ABTB3: variants seen among roughly 807,000 people sequenced by gnomAD.
ABTB3 encodes the protein ankyrin repeat and BTB domain containing 3, also known as ankyrin repeat- and BTB/POZ domain-containing protein 3.
the ABTB3 span, among the ~76,000 whole-genome samples, chr12:107,427,238 T>A: frequency 1.3e-5 from 2 of 151,990 alleles, no homozygotes; most frequent in African/African-American, 2.4e-5. Context: ...TCTTCTTCCA[T>A]CATCACGTTG....
the ABTB3 span, among the ~76,000 whole-genome samples, chr12:107,358,015 C>T: frequency 6.6e-6 from 1 of 152,154 alleles, no homozygotes; most frequent in Non-Finnish European, 1.5e-5. Context: ...CTTTCTCCTT[C>T]TGTTCTTCTC....
chr12:107,426,274 C>T, the ABTB3 span, among the ~76,000 whole-genome samples: 23 of 152,276 alleles, frequency 1.5e-4, no homozygotes, highest in Admixed American at 6.5e-4. Context: ...TAGATCGATG[C>T]GGACAAGGAG....
the ABTB3 span, among the ~76,000 whole-genome samples, chr12:107,365,074 T>C: frequency 1.1e-4 from 17 of 152,278 alleles, no homozygotes; most frequent in Non-Finnish European, 2.2e-4. Flanking sequence ...AGCCTTGAGT[T>C]TGAATTCCAG....
chr12:107,532,611 T>A, the ABTB3 span, among the ~76,000 whole-genome samples: 1 of 152,218 alleles, frequency 6.6e-6, no homozygotes, highest in Non-Finnish European at 1.5e-5. Flanking sequence ...AATAAAATAA[T>A]AGCTGAAAAC....
At chr12:107,480,945 G>C in the ABTB3 span, among the ~76,000 whole-genome samples, 2 of 152,240 alleles carry the variant, frequency 1.3e-5, no homozygotes, top group East Asian at 1.9e-4. Context: ...AAGAGGGAAG[G>C]GTAGAAGTTA....
chr12:107,659,205 A>C, the ABTB3 span: 1 of 152,222 alleles, frequency 6.6e-6, no homozygotes, highest in Non-Finnish European at 1.5e-5. Flanking sequence ...CTGTTGTACG[A>C]GCTCCCTGAA....
At chr12:107,508,434 A>ATTTTTTTTTTTTTTTTTTTTTTTT in the ABTB3 span, among the ~76,000 whole-genome samples, 7 of 58,714 alleles carry the variant, frequency 1.2e-4, no homozygotes, top group Non-Finnish European at 1.9e-4. Flanking sequence ...CTCAAAGATC[A>ATTTTTTTTTTTTTTTTTTTTTTTT]TTTCTTTTTT....
the ABTB3 span, among the ~76,000 whole-genome samples, chr12:107,444,667 T>TTTGG: frequency 6.6e-6 from 1 of 152,196 alleles, no homozygotes; most frequent in African/African-American, 2.4e-5. Flanking sequence ...CGAGATGAAA[T>TTTGG]TAACCATGTC....
the ABTB3 span, among the ~76,000 whole-genome samples, chr12:107,467,536 A>G: frequency 1.3e-5 from 2 of 152,158 alleles, no homozygotes; most frequent in Non-Finnish European, 2.9e-5. Flanking sequence ...GGCAGAAGCC[A>G]CTTCGAGACC....
At chr12:107,469,846 TC>T in the ABTB3 span, among the ~76,000 whole-genome samples, 2 of 150,770 alleles carry the variant, frequency 1.3e-5, no homozygotes, top group Admixed American at 1.3e-4. Flanking sequence ...CCTTTCTCTC[TC>T]TTTCTCTTTC....
chr12:107,361,062 T>C, the ABTB3 span, among the ~76,000 whole-genome samples: 1 of 149,554 alleles, frequency 6.7e-6, no homozygotes, highest in Non-Finnish European at 1.5e-5. Flanking sequence ...GCCCCTGGGA[T>C]TACAGGTGTG....
At chr12:107,367,706 T>C in the ABTB3 span, among the ~76,000 whole-genome samples, 6 of 152,180 alleles carry the variant, frequency 3.9e-5, no homozygotes, top group Admixed American at 1.3e-4. Context: ...GATTTTACCA[T>C]GTTGCCCAGG....
the ABTB3 span, among the ~76,000 whole-genome samples, chr12:107,373,330 G>T: frequency 6.6e-6 from 1 of 152,128 alleles, no homozygotes; most frequent in Non-Finnish European, 1.5e-5. Flanking sequence ...GCTGGGTGGT[G>T]CCTGTAGGAA....
At chr12:107,332,390 A>T in the ABTB3 span, among the ~76,000 whole-genome samples, 1 of 152,314 alleles carries the variant, frequency 6.6e-6, no homozygotes, top group African/African-American at 2.4e-5. Flanking sequence ...TGAGGCAGAT[A>T]TGGTTATCAT....
chr12:107,567,356 G>T, the ABTB3 span, among the ~76,000 whole-genome samples: 1 of 152,248 alleles, frequency 6.6e-6, no homozygotes, highest in African/African-American at 2.4e-5. Flanking sequence ...GTCATGTGCC[G>T]TGGGACAATG....
the ABTB3 span, among the ~76,000 whole-genome samples, chr12:107,653,697 A>T: frequency 6.6e-6 from 1 of 152,286 alleles, no homozygotes; most frequent in East Asian, 1.9e-4. Flanking sequence ...CACTAGTCCC[A>T]TGTCATAAGG....
At chr12:107,580,513 T>C in the ABTB3 span, 1 of 170,058 alleles carries the variant, frequency 5.9e-6, no homozygotes, top group East Asian at 1.6e-4. Context: ...GGCCTCGAAT[T>C]GTGGGCGCCA....
At chr12:107,636,905 C>A in the ABTB3 span, among the ~76,000 whole-genome samples, 1 of 152,168 alleles carries the variant, frequency 6.6e-6, no homozygotes, top group African/African-American at 2.4e-5. Context: ...ATCTGCTTTC[C>A]CTTAGCTACA....
chr12:107,523,257 T>C, the ABTB3 span, among the ~76,000 whole-genome samples: 1 of 152,160 alleles, frequency 6.6e-6, no homozygotes, highest in Non-Finnish European at 1.5e-5. Flanking sequence ...TAGGGGGCGC[T>C]TATGGCCACT....
Sources: gnomAD v4.1 joint callset for allele counts (sites outside exome capture counted in the v4.1 genomes callset) on GRCh38, gnomAD v4.1.1 for gene constraint, MANE v1.5 for transcripts, NCBI Gene and HGNC (gene_info 2026-07-23, HGNC 2026-07-21) for gene names.